Variants in ACTMAP observed in about 807,000 individuals in gnomAD.
ACTMAP encodes UPF0692 protein C19orf54.
chr19:40,749,394 G>A, the ACTMAP span: 1 of 1,345,124 alleles, frequency 7.4e-7, no homozygotes, highest in East Asian at 2.5e-5. Context: ...TTGATCTTGA[G>A]GACACGGGAA....
chr19:40,747,698 A>AT, the ACTMAP span, among the ~76,000 whole-genome samples: 23 of 152,138 alleles, frequency 1.5e-4, no homozygotes, highest in Non-Finnish European at 2.8e-4. Flanking sequence ...TCTACAAAAA[A>AT]ATATATATGT....
chr19:40,749,382 G>C, the ACTMAP span: 1 of 1,255,840 alleles, frequency 8.0e-7, no homozygotes, highest in Non-Finnish European at 1.1e-6. Flanking sequence ...TAGTCAGCCT[G>C]TTTGATCTTG....
chr19:40,748,967 T>C, the ACTMAP span, among the ~76,000 whole-genome samples: 2 of 149,494 alleles, frequency 1.3e-5, no homozygotes, highest in Non-Finnish European at 3.0e-5. Context: ...TCTCTCTCAC[T>C]AGACTGGGCA....
chr19:40,741,892 T>C, the ACTMAP span: 7 of 452,824 alleles, frequency 1.5e-5, no homozygotes, highest in South Asian at 4.7e-5. Flanking sequence ...GGGGGAGGGG[T>C]GTCTTGACTG....
the ACTMAP span, among the ~76,000 whole-genome samples, chr19:40,746,005 A>G: frequency 6.6e-6 from 1 of 152,094 alleles, no homozygotes; most frequent in Admixed American, 6.5e-5. Flanking sequence ...AGATCATGCT[A>G]TATGTTGCCC....
At chr19:40,742,298 G>A in the ACTMAP span, 1 of 872,866 alleles carries the variant, frequency 1.1e-6, no homozygotes, top group Non-Finnish European at 1.8e-6. Context: ...ATACTGCAGG[G>A]GGTGGCCCTG....
At chr19:40,746,361 A>G in the ACTMAP span, among the ~76,000 whole-genome samples, 2 of 151,948 alleles carry the variant, frequency 1.3e-5, no homozygotes, top group South Asian at 4.1e-4. Flanking sequence ...CTGGGATTAT[A>G]GGCATGCGCC....
At chr19:40,750,148 G>C in the ACTMAP span, 6 of 200,244 alleles carry the variant, frequency 3.0e-5, no homozygotes, top group Admixed American at 6.1e-5. Context: ...TCATGAGTGA[G>C]TTTGGGATAT....
chr19:40,742,573 G>A, the ACTMAP span: 24 of 1,606,442 alleles, frequency 1.5e-5, no homozygotes, highest in South Asian at 4.4e-5. Flanking sequence ...TTGCTCTCCC[G>A]GACCTGGTCG....
the ACTMAP span, chr19:40,740,888 G>A: frequency 3.8e-5 from 15 of 398,380 alleles, 1 homozygote; most frequent in East Asian, 5.3e-4. Flanking sequence ...TTTTGCATCT[G>A]GAGTGTATTT....
the ACTMAP span, among the ~76,000 whole-genome samples, chr19:40,748,764 A>G: frequency 7.2e-5 from 11 of 151,832 alleles, no homozygotes; most frequent in African/African-American, 2.4e-4. Flanking sequence ...TCCTCATTTC[A>G]CTCCAGGCCC....
the ACTMAP span, among the ~76,000 whole-genome samples, chr19:40,745,767 G>T: frequency 1.3e-5 from 2 of 152,180 alleles, no homozygotes; most frequent in South Asian, 4.1e-4. Context: ...CTACCTCCCG[G>T]GTTCAAGTGG....
the ACTMAP span, chr19:40,749,576 CT>C: frequency 6.4e-7 from 1 of 1,551,334 alleles, no homozygotes; most frequent in Non-Finnish European, 8.7e-7. Flanking sequence ...GCTGGCTCTT[CT>C]CCAGGCCGAA....
chr19:40,749,816 A>G, the ACTMAP span: 1 of 1,437,406 alleles, frequency 7.0e-7, no homozygotes, highest in Non-Finnish European at 9.2e-7. Context: ...TGGGGTCTAC[A>G]GGAGGTGTTG....
chr19:40,748,248 G>A, the ACTMAP span, among the ~76,000 whole-genome samples: 209 of 152,192 alleles, frequency 1.4e-3, no homozygotes, highest in African/African-American at 4.9e-3. Flanking sequence ...TGGATCACCT[G>A]AGGTTGGGAG....
the ACTMAP span, among the ~76,000 whole-genome samples, chr19:40,747,024 C>T: frequency 6.6e-6 from 1 of 151,468 alleles, no homozygotes; most frequent in Non-Finnish European, 1.5e-5. Flanking sequence ...CCAGGCTAGT[C>T]TCAAACTCCT....
At chr19:40,741,452 AAAG>A in the ACTMAP span, 4,374 of 235,026 alleles carry the variant, frequency 0.019, 52 homozygotes, top group Non-Finnish European at 0.025. Flanking sequence ...AAAAAAAAAA[AAAG>A]CAACAGTGCT....
chr19:40,745,181 C>G, the ACTMAP span: 2 of 1,551,694 alleles, frequency 1.3e-6, no homozygotes, highest in East Asian at 2.4e-5. Flanking sequence ...GAGGATCCAC[C>G]GCAGGTCACC....
At chr19:40,742,511 G>A in the ACTMAP span, 45 of 1,536,800 alleles carry the variant, frequency 2.9e-5, no homozygotes, top group Middle Eastern at 1.7e-4. Flanking sequence ...CGGGCACCAC[G>A]TACACCCGGC....
Sources: allele counts gnomAD v4.1 joint callset (sites outside exome capture counted in the v4.1 genomes callset), GRCh38; gene constraint gnomAD v4.1.1; transcripts MANE v1.5; gene names NCBI Gene and HGNC (gene_info 2026-07-23, HGNC 2026-07-21).